NT5DC2: variants seen among roughly 807,000 people sequenced by gnomAD.
The protein encoded by NT5DC2 is 5'-nucleotidase domain-containing protein 2.
A neutral mutation model predicts 70.0 loss-of-function variants in NT5DC2; 41 were observed. That is an observed-to-expected ratio of 0.59 (90% CI 0.46 to 0.76). The LOEUF (loss-of-function observed/expected upper bound fraction) is 0.76. Among genes scored for constraint, NT5DC2 ranks in the 30% least tolerant of loss-of-function variants. The pLI is 0.00. For missense variants in NT5DC2, 705 were observed against 783.2 expected (o/e 0.90, Z 1.19); for synonymous variants, 299 against 310.4 (o/e 0.96, Z 0.39).
At chr3:52,533,363 G>A in intron 1 of NT5DC2, 143 bp downstream of exon 1, 2 of 886,064 alleles carry the variant, frequency 2.3e-6, no homozygotes, top group East Asian at 3.8e-5. Flanking sequence ...AGCTTCTCGC[G>A]AAAAGCCGCC....
chr3:52,529,102 C>G lies in NT5DC2; in HGVS notation c.417+48G>C. The G allele has an allele frequency of 6.2e-7, 1 of 1,610,928 alleles. No individual in the cohort carries two copies. The highest frequency in any genetic ancestry group is 8.5e-7 in the Non-Finnish European group (1 of 1,177,914). On this transcript the variant is annotated intron_variant, in intron 2 of 13. Coordinates refer to ENST00000422318, the MANE Select transcript of NT5DC2 (RefSeq NM_001134231.2). The surrounding 1 kb of genome is among the most constrained non-coding windows in gnomAD (Gnocchi z 4.1). The stretch of plus-strand genomic sequence containing the variant: ...TGAGCTTAGGCCAAGGTGGGTCTGG[C>G]CAGCCTCCAAGCCCTGGGTTTGTTG...
At chr3:52,528,570 G>A in intron 4 of NT5DC2, 31 bp from the exon 5 acceptor site, 1 of 1,592,926 alleles carries the variant, frequency 6.3e-7, no homozygotes, top group Non-Finnish European at 8.6e-7. Context: ...ATCAGTCCAA[G>A]GTAGTCCTGA....
At chr3:52,525,644 T>A (rs1559735942) in intron 10 of NT5DC2, 6 of 271,216 alleles carry the variant, frequency 2.2e-5, no homozygotes, top group Non-Finnish European at 2.9e-5. Flanking sequence ...TGGCCTCCCC[T>A]GCCTCAGTGC....
At chr3:52,525,689 G>A (rs11709284) in intron 10 of NT5DC2, 102,690 of 179,812 alleles carry the variant, frequency 0.57, 30,060 homozygotes, top group African/African-American at 0.64. Flanking sequence ...AGACCTCACC[G>A]GGGCCACCAG....
At position 52,528,906 on chromosome 3, in the gene NT5DC2, G is replaced by A. The variant is rs1559739363; in HGVS notation, c.447C>T (p.Tyr149=). ...KYPEGIRKYD[Y]NPSFAIRGLH... is the part of the protein sequence containing the mutation. Reference sequence around the variant, plus strand: ...GGCCACGGATGGCAAAGCTGGGGTTGTAGTCATACTTCCGAATCCCTTCTG... The same window carrying A: ...GGCCACGGATGGCAAAGCTGGGGTTATAGTCATACTTCCGAATCCCTTCTG... The change falls in exon 3 of 14, where the codon TAC becomes TAT. Residue 149 remains tyrosine (Y), a synonymous_variant. Coordinates refer to ENST00000422318, the MANE Select transcript of NT5DC2 (RefSeq NM_001134231.2). The A allele has an allele frequency of 6.2e-7, 1 of 1,614,100 alleles. No homozygotes were observed. The highest frequency in any genetic ancestry group is 1.1e-5 in the South Asian group (1 of 91,088).
chr3:52,528,528 G>A lies in NT5DC2; in HGVS notation c.560C>T (p.Pro187Leu). ...QLGTAYRGLQPVPDEEVIELY... is the reference protein window; with the variant it reads ...QLGTAYRGLQLVPDEEVIELY... ...CTCAATCACCTCCTCGTCTGGCACA[G>A]GCTGGAGGCCCCTGAGCAGGCCCAA... Residue 187 changes from proline to leucine, a missense_variant, in exon 5 of 14, where the codon CCT becomes CTT. Transcript: ENST00000422318. 1 of 1,613,380 alleles carries A rather than the reference G, an allele frequency of 6.2e-7. No individual in the cohort carries two copies. Among genetic ancestry groups the A allele is most frequent in the Non-Finnish European group, 8.5e-7 (1 of 1,179,970 alleles).
chr3:52,529,390 T>C lies in NT5DC2; in HGVS notation c.233-56A>G. The C allele has an allele frequency of 6.4e-7, 1 of 1,552,190 alleles. No individual in the cohort carries two copies. Among genetic ancestry groups the C allele is most frequent in the Non-Finnish European group, 8.8e-7 (1 of 1,135,426 alleles). On this transcript the variant is annotated intron_variant, in intron 1 of 13. Coordinates refer to ENST00000422318, the MANE Select transcript of NT5DC2 (RefSeq NM_001134231.2). The surrounding 1 kb of genome is among the most constrained non-coding windows in gnomAD (Gnocchi z 4.1). ...TGGGGATGATGATCCCTGCAGCAGC[T>C]ATGGCTCCTGAGCACTCTGTGGGGA...
chr3:52,534,703 C>T, upstream of NT5DC2: 1 of 1,567,162 alleles, frequency 6.4e-7, no homozygotes, highest in Admixed American at 1.7e-5. Context: ...CCAGGCTGTG[C>T]TCAGGGTCCG....
intron 9 of NT5DC2, 45 bp from the exon 10 acceptor site, chr3:52,527,420 C>T: frequency 6.3e-7 from 1 of 1,599,196 alleles, no homozygotes; most frequent in Admixed American, 1.7e-5. Context: ...GTGGCTGGGC[C>T]ACGGGCCGGG....
rs1385365832 is a variant in NT5DC2 at position 52,528,869 on chromosome 3, T to A, written c.484A>T (p.Ile162Phe). The A allele has an allele frequency of 2.5e-6, 4 of 1,613,928 alleles. No homozygotes were observed. Among genetic ancestry groups the A allele is most frequent in the Non-Finnish European group, 1.7e-6 (2 of 1,179,988 alleles). Reference sequence around the variant, plus strand: ...CAGGTCCAGCCACTCACCTTCTGAATGTCATAGTGGAGGCCACGGATGGCA... The same window carrying A: ...CAGGTCCAGCCACTCACCTTCTGAAAGTCATAGTGGAGGCCACGGATGGCA... ...SFAIRGLHYD[I>F]QKSLLMKIDA... is the part of the protein sequence containing the mutation. Residue 162 changes from isoleucine to phenylalanine, a missense_variant, in exon 3 of 14, where the codon ATT (isoleucine) becomes TTT (phenylalanine). Coordinates refer to ENST00000422318, the MANE Select transcript of NT5DC2 (RefSeq NM_001134231.2).
At chr3:52,534,887 G>C (rs951475579), upstream of NT5DC2, 5 of 540,950 alleles carry the variant, frequency 9.2e-6, no homozygotes, top group African/African-American at 9.6e-5. Flanking sequence ...GGTAAGGATT[G>C]AGGCCGTAGG....
At chr3:52,527,238 G>C in intron 10 of NT5DC2, 56 bp downstream of exon 10, 1 of 1,529,318 alleles carries the variant, frequency 6.5e-7, no homozygotes, top group Non-Finnish European at 9.1e-7. Flanking sequence ...ACAGCCTGGG[G>C]CCCTAGCTAG....
Position 52,525,093 on chromosome 3 carries a change from A to C in NT5DC2, c.1217T>G (p.Leu406Arg). ...GGCGCCTGTGCGCCAGCCGTGCCGC[A>C]GCATGAGATCCTGGTGGGTGGGGCG... Reference protein sequence around the residue: ...HLYSDLADLMLRHGWRTGAII... With the variant: ...HLYSDLADLMRRHGWRTGAII... Residue 406 changes from leucine to arginine, a missense_variant, in exon 12 of 14, where the codon CTG becomes CGG. Physicochemically the swap from Leu to Arg is moderately radical, Grantham distance 102. Transcript: ENST00000422318. 7.4e-7 allele frequency: 1 copy of C among 1,343,812 alleles called. No individual in the cohort carries two copies. Among genetic ancestry groups the C allele is most frequent in the East Asian group, 4.8e-5 (1 of 20,948 alleles). The allele number at this position is 1,343,812 out of a possible 1,614,324, so 83.2% of individuals were successfully genotyped here. A position where few individuals can be genotyped will look rare whatever the true frequency, so the allele number is the denominator to read the frequency against.
At position 52,529,171 on chromosome 3, in the gene NT5DC2, G is replaced by A. The variant is rs2079325881; in HGVS notation, c.396C>T (p.Asp132=). The A allele has an allele frequency of 4.3e-6, 7 of 1,614,002 alleles. No individual in the cohort carries two copies. The highest frequency in any genetic ancestry group is 5.1e-6 in the Non-Finnish European group (6 of 1,179,998). The change falls in exon 2 of 14, where the codon GAC becomes GAT. Residue 132 remains aspartate (D), a synonymous_variant. Transcript: ENST00000422318. The surrounding 1 kb of genome is among the most constrained non-coding windows in gnomAD (Gnocchi z 4.1). ...LHPEIFSTAR[D]ILIEHYKYPE... Reference sequence around the variant, plus strand: ...TCACCTTGTAGTGCTCGATCAGGATGTCACGGGCGGTACTGAAGATCTCGG... The same window carrying A: ...TCACCTTGTAGTGCTCGATCAGGATATCACGGGCGGTACTGAAGATCTCGG...
chr3:52,533,966 C>T (rs1355112156), upstream of NT5DC2: 1 of 411,854 alleles, frequency 2.4e-6, no homozygotes, highest in African/African-American at 2.2e-5. Flanking sequence ...CTCCCCAGCC[C>T]CCTCCCCCAG....
At position 52,524,599 on chromosome 3, in the gene NT5DC2, G is replaced by A; in HGVS notation, c.1545C>T (p.Asn515=). 1 of 1,613,222 alleles carries A rather than the reference G, an allele frequency of 6.2e-7. No individual in the cohort carries two copies. Among genetic ancestry groups the A allele is most frequent in the Non-Finnish European group, 8.5e-7 (1 of 1,180,032 alleles). Residue 515 remains asparagine (N), a synonymous_variant, in exon 14 of 14, where the codon AAC becomes AAT. Coordinates refer to ENST00000422318, the MANE Select transcript of NT5DC2 (RefSeq NM_001134231.2). ...LYMASLSCLL[N]YRVDFTFYPR... ...GGTAGAAGGTGAAGTCCACGCGGTAGTTGAGCAGGCAGCTGAGGGAGGCCA... is the reference window on the plus strand; with the variant it reads ...GGTAGAAGGTGAAGTCCACGCGGTAATTGAGCAGGCAGCTGAGGGAGGCCA...
At position 52,531,768 on chromosome 3, in the gene NT5DC2, A is replaced by G. The variant is rs1361366419; in HGVS notation, c.232+1738T>C. ...TCAGCCCTAGCTCCCACACCTGCCC[A>G]TGGTGCCAGGTCCCAGGGCCAACTG... On this transcript the variant is annotated intron_variant, in intron 1 of 13. Transcript: ENST00000422318. The surrounding 1 kb of genome is among the most constrained non-coding windows in gnomAD (Gnocchi z 4.1). Among the ~76,000 whole-genome samples the G allele has an allele frequency of 6.6e-6, 1 of 152,050 alleles. No individual in the cohort carries two copies. Among genetic ancestry groups the G allele is most frequent in the Non-Finnish European group, 1.5e-5 (1 of 67,994 alleles).
At position 52,527,858 on chromosome 3, in the gene NT5DC2, GA is replaced by G. The variant is rs1182585184; in HGVS notation, c.905del (p.Phe302SerfsTer11). ...AGCTGAAAGGACTGTTGGTGATGAG[GA>G]ACAGCTGTTTCCCATGGGCCACCAG... ...SRLVAHGKQLFLITNSPFSFV... is the reference protein window; with the variant it reads ...SRLVAHGKQLXLITNSPFSFV... On this transcript the variant is annotated frameshift_variant, in exon 8 of 14. Coordinates refer to ENST00000422318, the MANE Select transcript of NT5DC2 (RefSeq NM_001134231.2). LOFTEE classifies it high-confidence loss of function. 1 of 1,613,438 alleles carries G rather than the reference GA, an allele frequency of 6.2e-7. No homozygotes were observed.
intron 1 of NT5DC2, among the ~76,000 whole-genome samples, chr3:52,530,762 G>A (rs2079349279): frequency 1.3e-5 from 2 of 152,194 alleles, no homozygotes; most frequent in South Asian, 4.1e-4. Flanking sequence ...GGAAGGTGCT[G>A]CTCTGTGCAG....
Sources: allele counts gnomAD v4.1 joint callset (sites outside exome capture counted in the v4.1 genomes callset), GRCh38; gene constraint gnomAD v4.1.1; non-coding constraint Gnocchi (gnomAD v3.1); transcripts MANE v1.5; gene names NCBI Gene and HGNC (gene_info 2026-07-23, HGNC 2026-07-21).